The following TBL1X variants were observed in gnomAD, a reference collection of about 807,000 sequenced individuals.
TBL1X encodes the protein transducin beta like 1 X-linked.
TBL1X carries 10 observed loss-of-function variants against 50.7 expected under a neutral mutation model. That is an observed-to-expected ratio of 0.20 (90% CI 0.12 to 0.33). The LOEUF (loss-of-function observed/expected upper bound fraction) is 0.33, where lower values mean the gene tolerates loss of function less well. Among genes scored for constraint, TBL1X ranks in the 10% least tolerant of loss-of-function variants. The pLI, the probability that TBL1X is intolerant of heterozygous loss-of-function variation, is 1.00. For missense variants in TBL1X, 340 were observed against 504.4 expected (o/e 0.67, Z 3.12); for synonymous variants, 190 against 214.7 (o/e 0.88, Z 1.01).
intron 2 of TBL1X, among the ~76,000 whole-genome samples, chrX:9,583,612 G>A (rs1264952367): frequency 8.9e-6 from 1 of 112,179 alleles, no homozygotes; most frequent in African/African-American, 3.2e-5. Flanking sequence ...AATGCTTATA[G>A]GAGCCAGTGT....
intron 2 of TBL1X, among the ~76,000 whole-genome samples, chrX:9,592,632 C>G (rs189594592): frequency 1.8e-5 from 2 of 111,568 alleles, no homozygotes; most frequent in Non-Finnish European, 3.8e-5. Flanking sequence ...CCCTTCCACA[C>G]TCCCCTCCCC....
chrX:9,686,772 C>T (rs1307439079), intron 6 of TBL1X, among the ~76,000 whole-genome samples: 2 of 111,838 alleles, frequency 1.8e-5, no homozygotes, highest in Admixed American at 9.4e-5. Context: ...ACAGTTACCG[C>T]GTTTTGTCAT....
At chrX:9,657,285 A>G (rs965721413) in intron 5 of TBL1X, among the ~76,000 whole-genome samples, 4 of 112,373 alleles carry the variant, frequency 3.6e-5, no homozygotes, top group Non-Finnish European at 7.5e-5. Flanking sequence ...CCCACCTTCC[A>G]GGTACAGTGA....
At chrX:9,629,814 G>A (rs972123934) in intron 2 of TBL1X, among the ~76,000 whole-genome samples, 1 of 111,332 alleles carries the variant, frequency 9.0e-6, no homozygotes, top group African/African-American at 3.3e-5. Flanking sequence ...GAAACAGACC[G>A]TACTAGGATT....
In TBL1X at chrX:9,693,396, A is replaced by G. The variant is rs2083111482; in HGVS notation, c.1030A>G (p.Ile344Val). 8.3e-7 allele frequency: 1 copy of G among 1,209,247 alleles called. No homozygotes were observed. Among genetic ancestry groups the G allele is most frequent in the Non-Finnish European group, 1.1e-6 (1 of 893,829 alleles). The change falls in exon 11 of 18, where the codon ATT (isoleucine) becomes GTT (valine). Residue 344 changes from isoleucine (I) to valine (V), a missense_variant. By Grantham distance (29) the Ile-to-Val change is conservative. Transcript: ENST00000645353. Reference protein sequence around the residue: ...ALKWNRKGNYILSAGVDKTTI... With the variant: ...ALKWNRKGNYVLSAGVDKTTI... ...GAAATGGAACCGAAAGGGGAATTAC[A>G]TTTTGAGTGCTGGTGTAGACAAAGT...
At chrX:9,694,002 A>G (rs1391749120) in intron 11 of TBL1X, among the ~76,000 whole-genome samples, 1 of 111,011 alleles carries the variant, frequency 9.0e-6, no homozygotes, top group Non-Finnish European at 1.9e-5. Flanking sequence ...AAAGCCATCA[A>G]TGGGGTGGGA....
At chrX:9,711,428 A>T (rs1451928272) in intron 15 of TBL1X, among the ~76,000 whole-genome samples, 183 bp from the exon 16 acceptor site, 1 of 111,811 alleles carries the variant, frequency 8.9e-6, no homozygotes, top group African/African-American at 3.2e-5. Flanking sequence ...CTGTTTAATG[A>T]CTATGGCTTT....
intron 2 of TBL1X, among the ~76,000 whole-genome samples, chrX:9,536,597 C>G (rs1347540780): frequency 2.7e-5 from 3 of 111,330 alleles, no homozygotes; most frequent in African/African-American, 9.8e-5. Context: ...ACTGGCAATG[C>G]CCTGTAAAGT....
chrX:9,652,792 A>C (rs1330115709), intron 3 of TBL1X, among the ~76,000 whole-genome samples: 1 of 107,791 alleles, frequency 9.3e-6, no homozygotes, highest in Non-Finnish European at 1.9e-5. Context: ...TGGAGGTTGC[A>C]GTAAGCCCAG....
chrX:9,711,674 C>T lies in TBL1X; in HGVS notation c.1503C>T (p.Leu501=), dbSNP rs1305711075. 2.2e-5 allele frequency: 26 copies of T among 1,209,278 alleles called. No individual in the cohort carries two copies. The highest frequency in any genetic ancestry group is 2.7e-5 in the Non-Finnish European group (24 of 894,426). ...DIERGVCTHT[L]TKHQEPVYSV... is the part of the protein sequence containing the mutation. ...AACGAGGCGTCTGCACCCACACGCT[C>T]ACGAAGCATCAGGAGCCTGTCTATA... The change falls in exon 16 of 18, where the codon CTC becomes CTT. Residue 501 remains leucine, a synonymous_variant. Coordinates refer to ENST00000645353, the MANE Select transcript of TBL1X (RefSeq NM_005647.4).
At chrX:9,468,228 A>G (rs1033895530) in intron 1 of TBL1X, among the ~76,000 whole-genome samples, 1 of 111,955 alleles carries the variant, frequency 8.9e-6, no homozygotes, top group Non-Finnish European at 1.9e-5. Flanking sequence ...CGGCGGGTTC[A>G]GGAGAAAGGG....
At chrX:9,627,876 A>C (rs139281055) in intron 2 of TBL1X, among the ~76,000 whole-genome samples, 1,377 of 112,334 alleles carry the variant, frequency 0.012, 28 homozygotes, top group African/African-American at 0.042. Context: ...CTACAAAATG[A>C]GAATAAACAG....
intron 2 of TBL1X, among the ~76,000 whole-genome samples, chrX:9,558,343 C>T (rs2082309830): frequency 9.0e-6 from 1 of 110,966 alleles, no homozygotes; most frequent in Non-Finnish European, 1.9e-5. Flanking sequence ...CATGGCGAAA[C>T]CCTGCCTCTA....
chrX:9,491,343 T>A (rs1297109870), intron 1 of TBL1X, among the ~76,000 whole-genome samples: 3 of 88,534 alleles, frequency 3.4e-5, no homozygotes, highest in Non-Finnish European at 4.3e-5. Context: ...TATATATTTT[T>A]TTTTTTTTTT....
intron 1 of TBL1X, among the ~76,000 whole-genome samples, chrX:9,487,467 G>A (rs1227102321): frequency 8.9e-6 from 1 of 111,906 alleles, no homozygotes; most frequent in African/African-American, 3.3e-5. Flanking sequence ...TGTAGTATGT[G>A]TTGTTCTAGT....
At chrX:9,500,908 A>G (rs1289112278) in intron 1 of TBL1X, among the ~76,000 whole-genome samples, 6 of 111,981 alleles carry the variant, frequency 5.4e-5, no homozygotes, top group Non-Finnish European at 9.4e-5. Context: ...AAGGAGTGCT[A>G]CTGTCATCTA....
intron 2 of TBL1X, among the ~76,000 whole-genome samples, chrX:9,593,387 A>C (rs1239182150): frequency 9.2e-6 from 1 of 108,147 alleles, no homozygotes; most frequent in Non-Finnish European, 1.9e-5. Context: ...GTGCAACAAG[A>C]GCGAGACTCC....
chrX:9,644,106 T>C (rs901960566), intron 3 of TBL1X, among the ~76,000 whole-genome samples: 2 of 112,323 alleles, frequency 1.8e-5, no homozygotes, highest in African/African-American at 6.5e-5. Context: ...CTTAGAGATA[T>C]CATGACCAGA....
intron 7 of TBL1X, among the ~76,000 whole-genome samples, chrX:9,689,118 G>A (rs1317925679): frequency 1.8e-5 from 2 of 113,386 alleles, no homozygotes; most frequent in Non-Finnish European, 3.8e-5. Flanking sequence ...GCGCACGCAC[G>A]CACACCTGTG....
Sources: gnomAD v4.1 joint callset for allele counts (sites outside exome capture counted in the v4.1 genomes callset) on GRCh38, gnomAD v4.1.1 for gene constraint, MANE v1.5 for transcripts, NCBI Gene and HGNC (gene_info 2026-07-23, HGNC 2026-07-21) for gene names.